Variants in MRPS15 observed in about 807,000 individuals in gnomAD.
The protein encoded by MRPS15 is mitochondrial ribosomal protein S15, also known as small ribosomal subunit protein uS15m.
A neutral mutation model predicts 30.7 loss-of-function variants in MRPS15; 25 were observed. The ratio of observed to expected loss-of-function variants is 0.81; its 90% CI spans 0.59 to 1.14. The LOEUF is 1.14. Ranked by LOEUF, MRPS15 falls within the 50% of genes most tolerant of loss-of-function variation. MRPS15 has a pLI of 0.00. For synonymous variants in MRPS15, 124 were observed against 120.1 expected, an observed-to-expected ratio of 1.03 and a Z score of -0.21; for missense variants, 313 against 321.7, an observed-to-expected ratio of 0.97 and a Z score of 0.21.
chr1:36,463,913 T>C, intron 1 of MRPS15, 63 bp from the exon 2 acceptor site: 3 of 1,564,598 alleles, frequency 1.9e-6, no homozygotes, highest in Non-Finnish European at 2.6e-6. Context: ...AGTTCCTTTC[T>C]GTGCCCCTCG....
intron 6 of MRPS15, 99 bp downstream of exon 6, chr1:36,457,824 G>A (rs1650026734): frequency 1.7e-5 from 19 of 1,149,714 alleles, no homozygotes; most frequent in Non-Finnish European, 2.4e-5. Flanking sequence ...CATTTTCAGT[G>A]GCTTCTAAGC....
intron 2 of MRPS15, among the ~76,000 whole-genome samples, 183 bp from the exon 3 acceptor site, chr1:36,462,346 T>G (rs1650115862): frequency 6.6e-6 from 1 of 152,218 alleles, no homozygotes; most frequent in Non-Finnish European, 1.5e-5. Flanking sequence ...TGCTTTGATA[T>G]TTCATGTTGC....
chr1:36,463,463 T>C (rs16823053), intron 2 of MRPS15, among the ~76,000 whole-genome samples: 17,003 of 152,232 alleles, frequency 0.11, 1,077 homozygotes, highest in East Asian at 0.29. Context: ...TTAACTACTA[T>C]GCATACTGAG....
intron 4 of MRPS15, among the ~76,000 whole-genome samples, chr1:36,460,993 G>T (rs1270811208): frequency 6.6e-6 from 1 of 152,220 alleles, no homozygotes; most frequent in East Asian, 1.9e-4. Flanking sequence ...ATGACTTGTT[G>T]CATGAATGTC....
intron 5 of MRPS15, among the ~76,000 whole-genome samples, chr1:36,460,334 G>A (rs1258882549): frequency 1.3e-5 from 2 of 152,142 alleles, no homozygotes; most frequent in Admixed American, 6.5e-5. Context: ...CACACATCGT[G>A]AGCTTTAGTT....
rs562877976 is a variant in MRPS15 at position 36,463,110 on chromosome 1, G to A, written c.175+696C>T. ...CCTGAGTAGCTGGGATTACAGGCGC[G>A]CGCTACCACACCTGGCTAATTTTTT... On this transcript the variant is annotated intron_variant, in intron 2 of 7. Transcript: ENST00000373116. 3.3e-5 allele frequency among the ~76,000 whole-genome samples: 5 copies of A among 151,926 alleles called. No homozygotes were observed. The South Asian group carries it at 6.2e-4, about 19-fold the overall frequency.
Position 36,463,843 on chromosome 1 carries a change from G to C in MRPS15, c.138C>G (p.Leu46=). The change falls in exon 2 of 8, where the codon CTC becomes CTG. Residue 46 remains leucine (L), a synonymous_variant. Coordinates refer to ENST00000373116, the MANE Select transcript of MRPS15 (RefSeq NM_031280.4). ...NQWGLQPRSL[L]LQAARGYVVR... ...CGACATATCCGCGCGCGGCCTGGAG[G>C]AGGAGACCTACGCAGAAAAGAGAGG... The C allele has an allele frequency of 6.2e-7, 1 of 1,612,744 alleles. No homozygotes were observed. Among genetic ancestry groups the C allele is most frequent in the East Asian group, 2.2e-5 (1 of 44,846 alleles).
rs540913243 is a variant in MRPS15 at position 36,463,105 on chromosome 1, G to GGC, written c.175+699_175+700dup. ...AGCCTCCTGAGTAGCTGGGATTACAGGCGCGCGCTACCACACCTGGCTAAT... is the reference window on the plus strand; with the variant it reads ...AGCCTCCTGAGTAGCTGGGATTACAGGCGCGCGCGCTACCACACCTGGCTAAT... On this transcript the variant is annotated intron_variant, in intron 2 of 7. Coordinates refer to ENST00000373116, the MANE Select transcript of MRPS15 (RefSeq NM_031280.4). 1.0e-3 allele frequency among the ~76,000 whole-genome samples: 158 copies of GGC among 152,090 alleles called. No individual in the cohort carries two copies. The South Asian group carries it at 0.012, about 12-fold the overall frequency.
At chr1:36,462,800 G>A (rs922879122) in intron 2 of MRPS15, among the ~76,000 whole-genome samples, 2 of 152,126 alleles carry the variant, frequency 1.3e-5, no homozygotes, top group Admixed American at 1.3e-4. Flanking sequence ...AGGCAGAAAA[G>A]AATTATATTA....
intron 5 of MRPS15, 118 bp downstream of exon 5, chr1:36,460,574 C>G: frequency 1.3e-6 from 1 of 779,274 alleles, no homozygotes; most frequent in Non-Finnish European, 2.2e-6. Flanking sequence ...TGCCCTAGGT[C>G]CTTCATGTCT....
At position 36,458,896 on chromosome 1, in the gene MRPS15, C is replaced by G. The variant is rs1650044238; in HGVS notation, c.386-915G>C. The G allele has an allele frequency of 6.6e-6, 1 of 152,204 alleles. No homozygotes were observed. Among genetic ancestry groups the G allele is most frequent in the Non-Finnish European group, 1.5e-5 (1 of 68,064 alleles). 9.4% of individuals were successfully genotyped at this position (152,204 alleles called of 1,614,324 possible). On this transcript the variant is annotated intron_variant, in intron 5 of 7. Coordinates refer to ENST00000373116, the MANE Select transcript of MRPS15 (RefSeq NM_031280.4). The surrounding 1 kb of genome is among the most constrained non-coding windows in gnomAD (Gnocchi z 4.5). ...GAGGCTGTCACGACAGCAGGCCCTTCCCAGTACATACTGAGTTCTGGGAGC... is the reference window on the plus strand; with the variant it reads ...GAGGCTGTCACGACAGCAGGCCCTTGCCAGTACATACTGAGTTCTGGGAGC...
rs1650031976 is a variant in MRPS15 at position 36,458,084 on chromosome 1, T to G, written c.386-103A>C. The G allele has an allele frequency of 1.1e-6, 1 of 877,086 alleles. No individual in the cohort carries two copies. Among genetic ancestry groups the G allele is most frequent in the Non-Finnish European group, 1.9e-6 (1 of 524,242 alleles). 54.3% of individuals were successfully genotyped at this position (877,086 alleles called of 1,614,324 possible). A position where few individuals can be genotyped will look rare whatever the true frequency, so the allele number is the denominator to read the frequency against. Reference sequence around the variant, plus strand: ...CTCAAGGAATAACAATCACCAATGCTCTGTACAGCTCTCTATAAATCCCAA... The same window carrying G: ...CTCAAGGAATAACAATCACCAATGCGCTGTACAGCTCTCTATAAATCCCAA... On this transcript the variant is annotated intron_variant, in intron 5 of 7. Transcript: ENST00000373116. The surrounding 1 kb of genome is among the most constrained non-coding windows in gnomAD (Gnocchi z 4.5).
chr1:36,461,421 A>G, intron 3 of MRPS15, 109 bp from the exon 4 acceptor site: 1 of 1,040,986 alleles, frequency 9.6e-7, no homozygotes, highest in Non-Finnish European at 1.5e-6. Flanking sequence ...TTCCTTCTGT[A>G]GCAAATGAAT....
At chr1:36,462,213 C>T (rs1650112996) in intron 2 of MRPS15, 50 bp from the exon 3 acceptor site, 1 of 1,421,066 alleles carries the variant, frequency 7.0e-7, no homozygotes, top group Non-Finnish European at 9.9e-7. Flanking sequence ...ACTCTCGCTG[C>T]CCACCCTCCC....
rs766488150 is a variant in MRPS15, at chr1:36,460,672, C to T, written c.385+20G>A. The T allele has an allele frequency of 6.2e-7, 1 of 1,608,084 alleles. No individual in the cohort carries two copies. Among genetic ancestry groups the T allele is most frequent in the East Asian group, 2.2e-5 (1 of 44,866 alleles). On this transcript the variant is annotated intron_variant, in intron 5 of 7. Coordinates refer to ENST00000373116, the MANE Select transcript of MRPS15 (RefSeq NM_031280.4). ...AGCAGGCTTCCCTACACCCCCACTC[C>T]CCAAGGGTCCCCGACCAACTTCGAG...
chr1:36,464,020 G>A, intron 1 of MRPS15, 126 bp downstream of exon 1: 1 of 1,398,176 alleles, frequency 7.2e-7, no homozygotes. Flanking sequence ...CACCTCTTGC[G>A]CAACCACCGC....
chr1:36,457,275 CAA>C lies in MRPS15; in HGVS notation c.444+646_444+647del, dbSNP rs60005613. ...TGGGTGACAGAGCAAGGCTCCATCT[CAA>C]AAAAAAAAAAAAAATATATATATAT... On this transcript the variant is annotated intron_variant, in intron 6 of 7. Coordinates refer to ENST00000373116, the MANE Select transcript of MRPS15 (RefSeq NM_031280.4). Among the ~76,000 whole-genome samples the C allele has an allele frequency of 7.1e-3, 1,009 of 142,754 alleles. 19 individuals carry two copies. Among genetic ancestry groups the C allele is most frequent in the Admixed American group, 0.045 (660 of 14,530 alleles). The allele number at this position is 142,754 out of a possible 152,430, so 93.7% of individuals were successfully genotyped here.
intron 6 of MRPS15, among the ~76,000 whole-genome samples, chr1:36,457,425 A>G (rs1436387536): frequency 6.6e-6 from 1 of 152,174 alleles, no homozygotes; most frequent in African/African-American, 2.4e-5. Context: ...TGGGAAAAAA[A>G]AGTCATGAGA....
chr1:36,462,546 G>A (rs929996562), intron 2 of MRPS15, among the ~76,000 whole-genome samples: 1 of 152,168 alleles, frequency 6.6e-6, no homozygotes, highest in African/African-American at 2.4e-5. Context: ...ACACTTGCTG[G>A]CTGACTGCAT....
Sources: allele counts gnomAD v4.1 joint callset (sites outside exome capture counted in the v4.1 genomes callset), GRCh38; gene constraint gnomAD v4.1.1; non-coding constraint Gnocchi (gnomAD v3.1); transcripts MANE v1.5; gene names NCBI Gene and HGNC (gene_info 2026-07-23, HGNC 2026-07-21).